MOB4: variants seen among roughly 807,000 people sequenced by gnomAD.
MOB4 encodes the protein MOB family member 4, phocein, also known as MOB-like protein phocein.
In MOB4, 4 loss-of-function variants were observed where a neutral mutation model predicts 32.2. That is an observed-to-expected ratio of 0.12 (90% CI 0.06 to 0.28). The LOEUF (loss-of-function observed/expected upper bound fraction) is 0.28. MOB4 is among the 10% of genes least tolerant of loss of function. The pLI is 1.00. For synonymous variants in MOB4, 88 were observed against 88.1 expected (o/e 1.00, Z 0.01); for missense variants, 158 against 271.2 (o/e 0.58, Z 2.93).
intron 3 of MOB4, among the ~76,000 whole-genome samples, chr2:197,538,574 T>C (rs1490746150): frequency 6.6e-6 from 1 of 152,198 alleles, no homozygotes. Context: ...TCCGGATACA[T>C]GCGTGGTGAC....
rs1191213670 is a variant in MOB4 at position 197,516,122 on chromosome 2, G to T, written c.36G>T (p.Arg12=). 8 of 1,604,562 alleles carry T rather than the reference G, an allele frequency of 5.0e-6. No individual in the cohort carries two copies. The highest frequency in any genetic ancestry group is 6.8e-6 in the Non-Finnish European group (8 of 1,176,624). Residue 12 remains arginine, a synonymous_variant, in exon 1 of 8, where the codon CGG becomes CGT. Transcript: ENST00000323303. ...CGGAGGGGACGGCAGTGCTGAGGCG[G>T]AACAGGCCGGGCACCAAGGCGCAGG... ...VMAEGTAVLR[R]NRPGTKAQDF...
chr2:197,534,061 C>G, intron 2 of MOB4: 1 of 423,194 alleles, frequency 2.4e-6, no homozygotes, highest in Non-Finnish European at 4.6e-6. Flanking sequence ...ATCATCTGGA[C>G]AGTTGTACAT....
In MOB4 at chr2:197,525,074, G is replaced by A. The variant is rs906242217; in HGVS notation, c.123+1388G>A. On this transcript the variant is annotated intron_variant, in intron 2 of 7. Transcript: ENST00000323303. ...TAAAAGTAGATAGCTGGCCGGGTGC[G>A]GTGGCTCACGCCTGTAATCCCAGCA... Among the ~76,000 whole-genome samples, 7 of 152,128 alleles carry A rather than the reference G, an allele frequency of 4.6e-5. No individual in the cohort carries two copies. In the South Asian group the frequency reaches 6.2e-4, roughly 14 times the overall value.
chr2:197,546,084 C>T lies in MOB4; in HGVS notation c.355-2252C>T, dbSNP rs183531856. On this transcript the variant is annotated intron_variant, in intron 5 of 7. Transcript: ENST00000323303. ...TATTTTTTAATTTTTATTTTTGAGA[C>T]GGAGTCTCACACTCTTGCCCAGGCT... 4.9e-3 allele frequency among the ~76,000 whole-genome samples: 749 copies of T among 152,048 alleles called. 5 individuals are homozygous for T. The highest frequency in any genetic ancestry group is 0.017 in the African/African-American group (693 of 41,456).
chr2:197,522,996 A>G (rs976417467), intron 1 of MOB4, among the ~76,000 whole-genome samples: 10 of 152,080 alleles, frequency 6.6e-5, no homozygotes, highest in African/African-American at 2.4e-4. Flanking sequence ...GCCTGGCGAC[A>G]GAGTGGTCTC....
At chr2:197,542,198 T>A (rs1261694350) in intron 5 of MOB4, among the ~76,000 whole-genome samples, 3 of 152,220 alleles carry the variant, frequency 2.0e-5, no homozygotes, top group Non-Finnish European at 4.4e-5. Context: ...ATCCACTTCT[T>A]TCTTGATTAA....
intron 1 of MOB4, among the ~76,000 whole-genome samples, chr2:197,523,025 T>C (rs1354037295): frequency 6.6e-6 from 1 of 151,594 alleles, no homozygotes; most frequent in African/African-American, 2.4e-5. Flanking sequence ...AATAATAATA[T>C]TAATAATAAT....
chr2:197,541,276 A>G (rs2086891137), intron 5 of MOB4, among the ~76,000 whole-genome samples: 1 of 152,070 alleles, frequency 6.6e-6, no homozygotes. Context: ...GTTGTCTCCA[A>G]AATGGTCTTT....
At chr2:197,540,308 CA>C in intron 4 of MOB4, 42 bp from the exon 5 acceptor site, 1 of 1,478,664 alleles carries the variant, frequency 6.8e-7, no homozygotes, top group Non-Finnish European at 9.0e-7. Flanking sequence ...TAAGCTTTTT[CA>C]TTATTATTTT....
intron 1 of MOB4, among the ~76,000 whole-genome samples, chr2:197,519,680 C>T (rs1043373244): frequency 6.6e-6 from 1 of 152,092 alleles, no homozygotes; most frequent in Non-Finnish European, 1.5e-5. Context: ...TTTTTCTCCC[C>T]TGAAATGAAT....
intron 1 of MOB4, among the ~76,000 whole-genome samples, chr2:197,518,752 ATTTAT>A (rs2086461918): frequency 6.7e-6 from 1 of 150,316 alleles, no homozygotes. Flanking sequence ...TTTTATTTTT[ATTTAT>A]TTTATTTTAT....
At chr2:197,540,289 C>A in intron 4 of MOB4, 62 bp from the exon 5 acceptor site, 1 of 1,466,678 alleles carries the variant, frequency 6.8e-7, no homozygotes, top group Non-Finnish European at 9.1e-7. Context: ...AATATAGTAA[C>A]CTAAATGATA....
At chr2:197,538,137 G>GTT (rs1380857288) in intron 3 of MOB4, among the ~76,000 whole-genome samples, 6 of 139,400 alleles carry the variant, frequency 4.3e-5, no homozygotes, top group African/African-American at 1.6e-4. Flanking sequence ...TGTTACAAGG[G>GTT]TTTTTTTTTT....
Position 197,548,434 on chromosome 2 carries a change from C to T in MOB4, c.434+19C>T, listed in dbSNP as rs764068267. On this transcript the variant is annotated intron_variant, in intron 6 of 7. Transcript: ENST00000323303. ...CCAGCAGGTAATCGAAACTTTTAAA[C>T]ATAGTGTTAAACATTTTAGAGTTAA... The T allele has an allele frequency of 6.2e-6, 9 of 1,444,498 alleles. No homozygotes were observed. The highest frequency in any genetic ancestry group is 7.4e-6 in the Non-Finnish European group (8 of 1,085,956). 89.5% of individuals were successfully genotyped at this position (1,444,498 alleles called of 1,614,324 possible). A position where few individuals can be genotyped will look rare whatever the true frequency, so the allele number is the denominator to read the frequency against.
At chr2:197,544,766 G>A (rs67616109) in intron 5 of MOB4, among the ~76,000 whole-genome samples, 62,689 of 148,906 alleles carry the variant, frequency 0.42, 13,674 homozygotes, top group South Asian at 0.56. Flanking sequence ...AAAAAAAAAA[G>A]GGTCAAAATG....
intron 2 of MOB4, among the ~76,000 whole-genome samples, chr2:197,531,736 G>T (rs1398119304): frequency 6.6e-6 from 1 of 151,482 alleles, no homozygotes; most frequent in Non-Finnish European, 1.5e-5. Flanking sequence ...TTAGAGATGG[G>T]GTTTTACCCT....
intron 3 of MOB4, among the ~76,000 whole-genome samples, chr2:197,537,583 T>C (rs572675318): frequency 6.6e-6 from 1 of 152,348 alleles, no homozygotes; most frequent in Admixed American, 6.5e-5. Flanking sequence ...ATGCTAAGAC[T>C]TCTTTGTATC....
At chr2:197,547,120 A>G (rs945137753) in intron 5 of MOB4, among the ~76,000 whole-genome samples, 25 of 147,832 alleles carry the variant, frequency 1.7e-4, no homozygotes, top group Non-Finnish European at 3.5e-4. Context: ...GAGAAAATAT[A>G]TTTGCCATTC....
intron 1 of MOB4, among the ~76,000 whole-genome samples, chr2:197,518,427 G>C (rs1228380028): frequency 6.6e-6 from 1 of 151,476 alleles, no homozygotes; most frequent in African/African-American, 2.4e-5. Context: ...GTGCCACCAC[G>C]CCCAGCTAAT....
Sources: gnomAD v4.1 joint callset for allele counts (sites outside exome capture counted in the v4.1 genomes callset) on GRCh38, gnomAD v4.1.1 for gene constraint, MANE v1.5 for transcripts, NCBI Gene and HGNC (gene_info 2026-07-23, HGNC 2026-07-21) for gene names.